The following STXBP5L variants were observed in gnomAD, a reference collection of about 807,000 sequenced individuals.
STXBP5L encodes the protein syntaxin binding protein 5L, also known as syntaxin-binding protein 5-like.
Under a neutral mutation model 144.5 loss-of-function variants are expected in STXBP5L, and 65 were observed. The observed-to-expected ratio is 0.45, with a 90% CI of 0.37 to 0.55. The LOEUF (loss-of-function observed/expected upper bound fraction) is 0.55. STXBP5L is among the 20% of genes least tolerant of loss of function. The pLI is 0.00. For synonymous variants in STXBP5L, 505 were observed against 469.6 expected, an observed-to-expected ratio of 1.08 and a Z score of -0.97; for missense variants, 1,298 against 1,405.5, an observed-to-expected ratio of 0.92 and a Z score of 1.22.
intron 5 of STXBP5L, among the ~76,000 whole-genome samples, chr3:121,102,233 AAATAG>A (rs2043465594): frequency 6.6e-6 from 1 of 152,148 alleles, no homozygotes; most frequent in Non-Finnish European, 1.5e-5. Context: ...TGTGGAACCA[AAATAG>A]AGCCCAAATA....
chr3:121,341,135 T>C (rs2044694370), intron 20 of STXBP5L, among the ~76,000 whole-genome samples: 1 of 152,000 alleles, frequency 6.6e-6, no homozygotes, highest in Non-Finnish European at 1.5e-5. Flanking sequence ...ATAACCAGAA[T>C]ATATAAGGAG....
intron 11 of STXBP5L, among the ~76,000 whole-genome samples, chr3:121,231,785 T>C (rs1448101768): frequency 2.6e-5 from 4 of 152,200 alleles, no homozygotes; most frequent in Non-Finnish European, 5.9e-5. Context: ...TATTAAATAA[T>C]TTTCTAATTA....
intron 9 of STXBP5L, among the ~76,000 whole-genome samples, chr3:121,185,700 G>A (rs1577146855): frequency 6.6e-6 from 1 of 152,144 alleles, no homozygotes; most frequent in Non-Finnish European, 1.5e-5. Context: ...GGTTACTATA[G>A]CCTTGTAGCA....
At chr3:121,396,998 T>C (rs886515793) in intron 22 of STXBP5L, among the ~76,000 whole-genome samples, 2 of 152,254 alleles carry the variant, frequency 1.3e-5, no homozygotes, top group Non-Finnish European at 2.9e-5. Flanking sequence ...GCAAAAGCAG[T>C]CAATACCTCA....
At chr3:121,042,795 C>T (rs1051706638) in intron 4 of STXBP5L, among the ~76,000 whole-genome samples, 2 of 151,888 alleles carry the variant, frequency 1.3e-5, no homozygotes, top group East Asian at 1.9e-4. Context: ...TATTGACAAA[C>T]GTAGCATATT....
chr3:120,972,569 C>G (rs1199478118), intron 3 of STXBP5L, among the ~76,000 whole-genome samples: 2 of 151,940 alleles, frequency 1.3e-5, no homozygotes, highest in African/African-American at 4.8e-5. Flanking sequence ...ATTTCTTTCT[C>G]TCTTTTGTTA....
chr3:121,303,197 C>G (rs2051994669), intron 19 of STXBP5L, among the ~76,000 whole-genome samples: 2 of 151,996 alleles, frequency 1.3e-5, no homozygotes, highest in South Asian at 4.2e-4. Flanking sequence ...AAAAAACAAC[C>G]CCATCAACAA....
chr3:121,165,451 A>C (rs1460467414), intron 9 of STXBP5L, among the ~76,000 whole-genome samples: 2 of 152,090 alleles, frequency 1.3e-5, no homozygotes, highest in Non-Finnish European at 1.5e-5. Flanking sequence ...GTGGTGATTC[A>C]TCCTTTCTGT....
At chr3:121,124,786 C>T (rs1035557270) in intron 7 of STXBP5L, among the ~76,000 whole-genome samples, 9 of 151,888 alleles carry the variant, frequency 5.9e-5, no homozygotes, top group Non-Finnish European at 1.0e-4. Context: ...ACTAGGACCC[C>T]AGTGCAGTGT....
intron 19 of STXBP5L, among the ~76,000 whole-genome samples, chr3:121,315,273 G>A (rs981797942): frequency 6.6e-6 from 1 of 151,994 alleles, no homozygotes; most frequent in Non-Finnish European, 1.5e-5. Flanking sequence ...AAGAAAATGT[G>A]GCACATATAC....
At chr3:121,000,278 A>G (rs1018302625) in intron 3 of STXBP5L, among the ~76,000 whole-genome samples, 3 of 152,122 alleles carry the variant, frequency 2.0e-5, no homozygotes, top group South Asian at 2.1e-4. Flanking sequence ...TAAAAATTCC[A>G]TATATCTTAT....
At chr3:120,991,837 G>T (rs889282998) in intron 3 of STXBP5L, among the ~76,000 whole-genome samples, 2 of 151,948 alleles carry the variant, frequency 1.3e-5, no homozygotes, top group Non-Finnish European at 2.9e-5. Flanking sequence ...GGGAGGGATA[G>T]CATTAGGAGA....
chr3:121,033,660 A>G (rs1946541477), intron 3 of STXBP5L, among the ~76,000 whole-genome samples: 1 of 151,866 alleles, frequency 6.6e-6, no homozygotes, highest in Non-Finnish European at 1.5e-5. Flanking sequence ...TTAAACCAAT[A>G]CATTACCAAG....
intron 24 of STXBP5L, among the ~76,000 whole-genome samples, chr3:121,414,810 C>G (rs998071295): frequency 6.6e-6 from 1 of 152,144 alleles, no homozygotes; most frequent in African/African-American, 2.4e-5. Flanking sequence ...AAAGTTTTAG[C>G]AGATTTGTTT....
At chr3:121,397,449 C>T (rs1440754322) in intron 22 of STXBP5L, among the ~76,000 whole-genome samples, 1 of 152,174 alleles carries the variant, frequency 6.6e-6, no homozygotes, top group African/African-American at 2.4e-5. Flanking sequence ...CCTCTAACGC[C>T]TCCAGTTTCT....
rs143048171 is a variant in STXBP5L, at chr3:121,265,572, A to C, written c.1958+6404A>C. 8.5e-5 allele frequency among the ~76,000 whole-genome samples: 13 copies of C among 152,318 alleles called. No homozygotes were observed. The East Asian group carries it at 2.5e-3, about 29-fold the overall frequency. On this transcript the variant is annotated intron_variant, in intron 18 of 26. Coordinates refer to ENST00000471454, the MANE Select transcript of STXBP5L (RefSeq NM_001308330.2). ...TCACAATAAAAAGAGCTAGAAAAGC[A>C]AGAGCAAAAATATTCAAAAGCTAGC... is the stretch of plus-strand genomic sequence containing the variant.
chr3:120,940,264 A>T (rs2107649455), intron 2 of STXBP5L, among the ~76,000 whole-genome samples: 1 of 152,162 alleles, frequency 6.6e-6, no homozygotes, highest in Middle Eastern at 3.4e-3. Flanking sequence ...CTCTGGGGAG[A>T]GAAGCTAGTG....
chr3:121,283,618 T>G (rs928115823), intron 19 of STXBP5L, among the ~76,000 whole-genome samples: 2 of 152,022 alleles, frequency 1.3e-5, no homozygotes, highest in African/African-American at 4.8e-5. Context: ...TTATATATTG[T>G]CCTTAAATGC....
At chr3:120,979,544 A>C (rs1559945116) in intron 3 of STXBP5L, among the ~76,000 whole-genome samples, 1 of 152,054 alleles carries the variant, frequency 6.6e-6, no homozygotes, top group East Asian at 1.9e-4. Flanking sequence ...CGCACAGTGC[A>C]CTGCACCCAC....
Sources: allele counts gnomAD v4.1 joint callset (sites outside exome capture counted in the v4.1 genomes callset), GRCh38; gene constraint gnomAD v4.1.1; transcripts MANE v1.5; gene names NCBI Gene and HGNC (gene_info 2026-07-23, HGNC 2026-07-21).